Variants in LOC128462377 observed in about 807,000 individuals in gnomAD.
At chr16:89,409,972 T>G in the LOC128462377 span, among the ~76,000 whole-genome samples, 3 of 152,122 alleles carry the variant, frequency 2.0e-5, no homozygotes, top group African/African-American at 7.2e-5. Flanking sequence ...CCTGAGTAGC[T>G]GGGACTACAG....
At chr16:89,417,162 TC>T in the LOC128462377 span, among the ~76,000 whole-genome samples, 3 of 152,146 alleles carry the variant, frequency 2.0e-5, no homozygotes, top group Non-Finnish European at 1.5e-5. Context: ...AAGAAAGCAG[TC>T]AGGTGTATTT....
At chr16:89,397,150 C>T in the LOC128462377 span, among the ~76,000 whole-genome samples, 4 of 152,120 alleles carry the variant, frequency 2.6e-5, no homozygotes, top group African/African-American at 9.7e-5. Flanking sequence ...AGCAGACATA[C>T]CCACAGAGCC....
chr16:89,320,748 C>G, the LOC128462377 span, among the ~76,000 whole-genome samples: 4 of 152,256 alleles, frequency 2.6e-5, no homozygotes, highest in African/African-American at 9.6e-5. Flanking sequence ...AGACACAACT[C>G]AGCCCAGCGG....
chr16:89,348,153 A>G, the LOC128462377 span, among the ~76,000 whole-genome samples: 15 of 152,168 alleles, frequency 9.9e-5, 1 homozygote, highest in South Asian at 1.2e-3. Context: ...GCTGCTCTGC[A>G]ACTCCTGGAC....
the LOC128462377 span, among the ~76,000 whole-genome samples, chr16:89,366,086 C>T: frequency 1.4e-5 from 2 of 146,444 alleles, no homozygotes; most frequent in East Asian, 4.0e-4. Context: ...GCTAAAATGG[C>T]GCCACTGCAC....
At chr16:89,357,097 G>A in the LOC128462377 span, among the ~76,000 whole-genome samples, 1 of 152,234 alleles carries the variant, frequency 6.6e-6, no homozygotes, top group Non-Finnish European at 1.5e-5. Flanking sequence ...TGGGGATGAG[G>A]ATGAGTCTGT....
the LOC128462377 span, among the ~76,000 whole-genome samples, chr16:89,398,712 C>G: frequency 6.6e-6 from 1 of 152,040 alleles, no homozygotes; most frequent in Non-Finnish European, 1.5e-5. Context: ...CCACTGCACT[C>G]CAGCCTCAGT....
the LOC128462377 span, chr16:89,325,056 C>T: frequency 6.4e-6 from 1 of 155,328 alleles, no homozygotes; most frequent in African/African-American, 2.4e-5. Flanking sequence ...TCATACTGAA[C>T]ACAAGTATGC....
the LOC128462377 span, among the ~76,000 whole-genome samples, chr16:89,352,984 T>C: frequency 6.6e-6 from 1 of 152,218 alleles, no homozygotes; most frequent in Non-Finnish European, 1.5e-5. Context: ...ACATTAAACC[T>C]TGAATATATT....
the LOC128462377 span, among the ~76,000 whole-genome samples, chr16:89,416,529 C>A: frequency 1.3e-5 from 2 of 152,282 alleles, no homozygotes; most frequent in South Asian, 4.1e-4. Context: ...AACTCCTGGC[C>A]TCAAGTGATC....
chr16:89,418,049 C>T, the LOC128462377 span, among the ~76,000 whole-genome samples: 2 of 152,180 alleles, frequency 1.3e-5, no homozygotes, highest in African/African-American at 4.8e-5. Flanking sequence ...TTTAATTTTT[C>T]AGCAGATTTC....
chr16:89,350,894 G>C, the LOC128462377 span, among the ~76,000 whole-genome samples: 3 of 152,290 alleles, frequency 2.0e-5, no homozygotes, highest in African/African-American at 7.2e-5. Flanking sequence ...CTACCACTGT[G>C]TTACGATTTC....
chr16:89,353,864 G>A, the LOC128462377 span, among the ~76,000 whole-genome samples: 9 of 152,194 alleles, frequency 5.9e-5, no homozygotes, highest in Non-Finnish European at 1.0e-4. Context: ...TGAGACACCC[G>A]AAACAAGACA....
chr16:89,335,518 G>A, the LOC128462377 span, among the ~76,000 whole-genome samples: 504 of 152,270 alleles, frequency 3.3e-3, 3 homozygotes, highest in Middle Eastern at 0.014. Flanking sequence ...CCCTATGAAC[G>A]CTATACCACT....
chr16:89,342,522 G>A, the LOC128462377 span, among the ~76,000 whole-genome samples: 7 of 152,326 alleles, frequency 4.6e-5, no homozygotes, highest in African/African-American at 7.2e-5. Context: ...AACTCGCTGC[G>A]GCCTGCGTGG....
the LOC128462377 span, among the ~76,000 whole-genome samples, chr16:89,342,930 C>G: frequency 2.0e-5 from 3 of 152,340 alleles, no homozygotes; most frequent in African/African-American, 7.2e-5. Context: ...GAGCCCAAAA[C>G]AGGCATCATT....
chr16:89,323,444 G>C, the LOC128462377 span: 1,528 of 400,046 alleles, frequency 3.8e-3, 18 homozygotes, highest in African/African-American at 0.034. Flanking sequence ...GGGCTGAGCC[G>C]AGGGCAGGGG....
At chr16:89,371,404 C>A in the LOC128462377 span, among the ~76,000 whole-genome samples, 1 of 152,234 alleles carries the variant, frequency 6.6e-6, no homozygotes, top group Non-Finnish European at 1.5e-5. Flanking sequence ...TCATTCCCTG[C>A]ACAGACAGGT....
the LOC128462377 span, among the ~76,000 whole-genome samples, chr16:89,335,092 T>C: frequency 6.6e-6 from 1 of 152,180 alleles, no homozygotes; most frequent in East Asian, 1.9e-4. Context: ...CTAACACTGA[T>C]TGCTGACCAC....
Sources: gnomAD v4.1 joint callset for allele counts (sites outside exome capture counted in the v4.1 genomes callset) on GRCh38, gnomAD v4.1.1 for gene constraint, MANE v1.5 for transcripts.